The following DLG2 variants were observed in gnomAD, a reference collection of about 807,000 sequenced individuals.
DLG2 encodes the protein disks large homolog 2.
Under a neutral mutation model 132.5 loss-of-function variants are expected in DLG2, and 45 were observed. That is an observed-to-expected ratio of 0.34 (90% CI 0.27 to 0.44). The LOEUF (loss-of-function observed/expected upper bound fraction) is 0.44. Ranked by LOEUF, DLG2 falls within the 20% of genes least tolerant of loss-of-function variation. The probability of loss-of-function intolerance (pLI) is 1.00; values close to 1 mark genes in which losing one functional copy is unlikely to be tolerated. For synonymous variants in DLG2, 424 were observed against 419.6 expected (o/e 1.01, Z -0.13); for missense variants, 1,045 against 1,196.9 (o/e 0.87, Z 1.87).
chr11:84,873,850 T>C (rs781772936), intron 6 of DLG2, among the ~76,000 whole-genome samples: 8 of 152,198 alleles, frequency 5.3e-5, no homozygotes, highest in Non-Finnish European at 8.8e-5. Context: ...CTGAATAAAA[T>C]TAGCAGATCA....
intron 3 of DLG2, among the ~76,000 whole-genome samples, chr11:85,508,529 T>C (rs1373658936): frequency 6.6e-6 from 1 of 152,100 alleles, no homozygotes; most frequent in Non-Finnish European, 1.5e-5. Flanking sequence ...GCTGACCTAT[T>C]AAATACTTTA....
intron 5 of DLG2, among the ~76,000 whole-genome samples, chr11:85,121,866 GTA>G (rs1351825561): frequency 6.6e-6 from 1 of 152,092 alleles, no homozygotes; most frequent in Non-Finnish European, 1.5e-5. Context: ...GTACATGTAT[GTA>G]TATATGCTAA....
At chr11:84,022,055 C>T (rs533142116) in intron 11 of DLG2, among the ~76,000 whole-genome samples, 6 of 152,090 alleles carry the variant, frequency 3.9e-5, no homozygotes, top group African/African-American at 9.7e-5. Flanking sequence ...ACAAAACAAC[C>T]GCTTCTTACT....
At chr11:84,041,476 A>T (rs1365421478) in intron 11 of DLG2, among the ~76,000 whole-genome samples, 1 of 151,956 alleles carries the variant, frequency 6.6e-6, no homozygotes, top group East Asian at 1.9e-4. Context: ...CAATTTTTGA[A>T]TGTGGGCAAT....
chr11:84,311,122 A>G (rs1170325195), intron 7 of DLG2, among the ~76,000 whole-genome samples: 1 of 152,162 alleles, frequency 6.6e-6, no homozygotes, highest in African/African-American at 2.4e-5. Context: ...CCTCAGTATC[A>G]GCATCATGTG....
chr11:83,562,591 A>G (rs1445426927), intron 19 of DLG2, among the ~76,000 whole-genome samples: 1 of 152,206 alleles, frequency 6.6e-6, no homozygotes, highest in African/African-American at 2.4e-5. Flanking sequence ...GAACAGGGAA[A>G]ATGGTTGGAT....
intron 14 of DLG2, among the ~76,000 whole-genome samples, chr11:83,953,024 A>G (rs765351167): frequency 8.5e-5 from 13 of 152,226 alleles, no homozygotes; most frequent in Admixed American, 3.3e-4. Context: ...CAGTATTTTC[A>G]AGATGTGTTT....
intron 6 of DLG2, among the ~76,000 whole-genome samples, chr11:84,682,278 A>AC (rs1210698020): frequency 6.6e-6 from 1 of 152,216 alleles, no homozygotes; most frequent in East Asian, 1.9e-4. Context: ...ATACTGAGTA[A>AC]CTCAGTGACC....
intron 7 of DLG2, among the ~76,000 whole-genome samples, chr11:84,438,935 C>T (rs1450109382): frequency 2.0e-5 from 3 of 152,170 alleles, no homozygotes; most frequent in Non-Finnish European, 4.4e-5. Context: ...AACAAAGTCA[C>T]TTGAGGTCTA....
intron 18 of DLG2, among the ~76,000 whole-genome samples, chr11:83,677,076 A>G (rs2077853582): frequency 6.6e-6 from 1 of 152,150 alleles, no homozygotes; most frequent in Non-Finnish European, 1.5e-5. Flanking sequence ...TTAGATGTTC[A>G]CAATATACTA....
intron 19 of DLG2, among the ~76,000 whole-genome samples, chr11:83,613,373 A>G (rs1285274856): frequency 6.6e-6 from 1 of 152,184 alleles, no homozygotes; most frequent in African/African-American, 2.4e-5. Context: ...GCTCAGCTGC[A>G]CTCTGAACAT....
intron 6 of DLG2, among the ~76,000 whole-genome samples, chr11:84,535,397 T>C (rs779922646): frequency 6.6e-6 from 1 of 152,214 alleles, no homozygotes; most frequent in Non-Finnish European, 1.5e-5. Context: ...CAAGGCAAGT[T>C]ATCTGCCTAT....
intron 18 of DLG2, among the ~76,000 whole-genome samples, chr11:83,737,859 G>A (rs1368601033): frequency 6.6e-6 from 1 of 152,046 alleles, no homozygotes; most frequent in African/African-American, 2.4e-5. Flanking sequence ...TGGTTCCTGA[G>A]GTTTTCTTCT....
intron 8 of DLG2, among the ~76,000 whole-genome samples, chr11:84,190,430 C>G (rs977735933): frequency 6.6e-6 from 1 of 152,146 alleles, no homozygotes; most frequent in Non-Finnish European, 1.5e-5. Flanking sequence ...AGTGAAAACA[C>G]GCATTACTGG....
chr11:84,321,050 A>G (rs1156272248), intron 7 of DLG2, among the ~76,000 whole-genome samples: 2 of 152,204 alleles, frequency 1.3e-5, no homozygotes, highest in Non-Finnish European at 2.9e-5. Flanking sequence ...TTGCAATTGA[A>G]TCTAAGTGCT....
At chr11:83,926,164 T>G (rs2078943045) in intron 15 of DLG2, among the ~76,000 whole-genome samples, 1 of 152,144 alleles carries the variant, frequency 6.6e-6, no homozygotes, top group African/African-American at 2.4e-5. Context: ...AATTCATCCC[T>G]GAATGTTTGC....
intron 18 of DLG2, chr11:83,648,192 T>C (rs2068848712): frequency 6.6e-6 from 1 of 152,096 alleles, no homozygotes; most frequent in Non-Finnish European, 1.5e-5. Flanking sequence ...GACAGTAAGT[T>C]TGTTAAGGCA....
intron 4 of DLG2, among the ~76,000 whole-genome samples, chr11:85,163,544 G>C (rs375993375): frequency 3.9e-5 from 6 of 152,236 alleles, no homozygotes; most frequent in African/African-American, 1.4e-4. Context: ...GGTTATCTAG[G>C]CAAGTAGGAG....
intron 6 of DLG2, among the ~76,000 whole-genome samples, chr11:84,837,104 T>C (rs2079915920): frequency 6.6e-6 from 1 of 151,842 alleles, no homozygotes; most frequent in South Asian, 2.1e-4. Flanking sequence ...AGTGAGAACA[T>C]ATAACATATA....
Sources: gnomAD v4.1 joint callset for allele counts (sites outside exome capture counted in the v4.1 genomes callset) on GRCh38, gnomAD v4.1.1 for gene constraint, MANE v1.5 for transcripts, NCBI Gene and HGNC (gene_info 2026-07-23, HGNC 2026-07-21) for gene names.